Variants in WDR24 observed in about 807,000 individuals in gnomAD.
The protein encoded by WDR24 is GATOR2 complex protein WDR24.
In WDR24, 32 loss-of-function variants were observed where a neutral mutation model predicts 66.7. The ratio of observed to expected loss-of-function variants is 0.48; its 90% confidence interval spans 0.36 to 0.64. The LOEUF (loss-of-function observed/expected upper bound fraction) is 0.64, where lower values mean the gene tolerates loss of function less well. Ranked by LOEUF, WDR24 falls within the 30% of genes least tolerant of loss-of-function variation. The pLI, the probability that WDR24 is intolerant of heterozygous loss-of-function variation, is 0.00. For missense variants in WDR24, 978 were observed against 1,144.1 expected, an observed-to-expected ratio of 0.85 and a Z score of 2.09; for synonymous variants, 565 against 469.1, an observed-to-expected ratio of 1.20 and a Z score of -2.64.
intron 1 of WDR24, 190 bp from the exon 2 acceptor site, chr16:687,929 G>A: frequency 1.3e-6 from 1 of 747,554 alleles, no homozygotes; most frequent in Admixed American, 2.0e-5. Context: ...CTGGGCCCGG[G>A]AGCAGGACAC....
At position 687,356 on chromosome 16, in the gene WDR24, G is replaced by A. The variant is rs776830931; in HGVS notation, c.720C>T (p.His240=). The A allele has an allele frequency of 1.9e-6, 3 of 1,601,738 alleles. No homozygotes were observed. The highest frequency in any genetic ancestry group is 2.6e-6 in the Non-Finnish European group (3 of 1,172,950). Residue 240 remains histidine (H), a synonymous_variant, in exon 3 of 9, where the codon CAC becomes CAT. Transcript: ENST00000293883. ...KMVKVWDMTT[H]RAKEMHCVQT... is the part of the protein sequence containing the mutation. ...GCACACAGTGCATCTCCTTGGCACG[G>A]TGCGTGGTCATGTCCCAGACCTTCA... is the stretch of plus-strand genomic sequence containing the variant.
intron 1 of WDR24, 36 bp downstream of exon 1, chr16:689,124 A>T: frequency 6.2e-7 from 1 of 1,603,168 alleles, no homozygotes; most frequent in Non-Finnish European, 8.5e-7. Context: ...ACCGGCAGAG[A>T]CGCCCACCTG....
chr16:689,029 T>C (rs1055547847), intron 1 of WDR24, 131 bp downstream of exon 1: 62 of 1,437,328 alleles, frequency 4.3e-5, no homozygotes, highest in East Asian at 9.4e-5. Context: ...GCCGATTCCC[T>C]TTCCCCCTGA....
At chr16:688,350 C>T (rs1411856221) in intron 1 of WDR24, among the ~76,000 whole-genome samples, 4 of 152,156 alleles carry the variant, frequency 2.6e-5, no homozygotes, top group Admixed American at 2.0e-4. Context: ...GCAAGTGGCA[C>T]GATCTGGGCT....
rs1160477453 is a variant in WDR24 at position 685,299 on chromosome 16, G to A, written c.1977C>T (p.Val659=). The change falls in exon 7 of 9, where the codon GTC becomes GTT. Residue 659 remains valine (V), a synonymous_variant. Coordinates refer to ENST00000293883, the MANE Select transcript of WDR24 (RefSeq NM_032259.4). ...DVQMAVSVLI[V]LGERVRKDID... Reference sequence around the variant, plus strand: ...TGTCCTTGCGCACCCGTTCACCCAGGACGATGAGCACAGACACAGCCATCT... The same window carrying A: ...TGTCCTTGCGCACCCGTTCACCCAGAACGATGAGCACAGACACAGCCATCT... 5.6e-6 allele frequency: 9 copies of A among 1,599,764 alleles called. No homozygotes were observed. The highest frequency in any genetic ancestry group is 4.5e-5 in the East Asian group (2 of 44,598).
At chr16:688,003 C>A (rs1266512929) in intron 1 of WDR24, 1 of 627,262 alleles carries the variant, frequency 1.6e-6, no homozygotes, top group East Asian at 3.3e-5. Context: ...CTGCATCGGT[C>A]CATGAGCAAA....
At chr16:689,037 T>G in intron 1 of WDR24, 123 bp downstream of exon 1, 1 of 1,458,104 alleles carries the variant, frequency 6.9e-7, no homozygotes, top group Admixed American at 2.2e-5. Context: ...CCTTTCCCCC[T>G]GAGGAAGCCC....
At position 689,475 on chromosome 16, in the gene WDR24, C is replaced by T; in HGVS notation, c.166G>A (p.Glu56Lys). 1.9e-6 allele frequency: 3 copies of T among 1,613,558 alleles called. No individual in the cohort carries two copies. Among genetic ancestry groups the T allele is most frequent in the Non-Finnish European group, 2.5e-6 (3 of 1,180,046 alleles). Reference sequence around the variant, plus strand: ...TTCAGCTTTTCCACGAACTGTTCCTCCTCGATGGCATAGATCTTGAAGATG... The same window carrying T: ...TTCAGCTTTTCCACGAACTGTTCCTTCTCGATGGCATAGATCTTGAAGATG... ...RSIFKIYAIEEEQFVEKLNLR... is the reference protein window; with the variant it reads ...RSIFKIYAIEKEQFVEKLNLR... Residue 56 changes from glutamate (E) to lysine (K), a missense_variant, in exon 1 of 9, where the codon GAG (glutamate) becomes AAG (lysine). Coordinates refer to ENST00000293883, the MANE Select transcript of WDR24 (RefSeq NM_032259.4).
chr16:685,140 G>T lies in WDR24; in HGVS notation c.2056C>A (p.Arg686Ser). Residue 686 changes from arginine to serine, a missense_variant, in exon 8 of 9, where the codon CGC becomes AGC. This residue lies in a region of WDR24 where 676 missense variants were observed against 617.5 expected (regional missense o/e 1.09). Coordinates refer to ENST00000293883, the MANE Select transcript of WDR24 (RefSeq NM_032259.4). ...WYTSYIDLLQ[R>S]FRLWNVSNEV... ...TTGGACACGTTCCAGAGGCGGAAGC[G>T]CTGCAGCAGGTCGATGTAGGAAGTG... The T allele has an allele frequency of 6.4e-7, 1 of 1,565,634 alleles. No individual in the cohort carries two copies. Among genetic ancestry groups the T allele is most frequent in the Non-Finnish European group, 8.6e-7 (1 of 1,156,214 alleles).
rs764971275 is a variant in WDR24, at chr16:687,359, C to T, written c.717G>A (p.Thr239=). ...DKMVKVWDMT[T]HRAKEMHCVQ... The stretch of plus-strand genomic sequence containing the variant: ...CACAGTGCATCTCCTTGGCACGGTG[C>T]GTGGTCATGTCCCAGACCTTCACCA... The change falls in exon 3 of 9, where the codon ACG becomes ACA. Residue 239 remains threonine (T), a synonymous_variant. Coordinates refer to ENST00000293883, the MANE Select transcript of WDR24 (RefSeq NM_032259.4). 15 of 1,600,900 alleles carry T rather than the reference C, an allele frequency of 9.4e-6. No homozygotes were observed. Among genetic ancestry groups the T allele is most frequent in the Admixed American group, 5.0e-5 (3 of 59,706 alleles).
Position 685,905 on chromosome 16 carries a change from G to A in WDR24, c.1537C>T (p.Leu513=). 6.2e-7 allele frequency: 1 copy of A among 1,613,182 alleles called. No individual in the cohort carries two copies. The highest frequency in any genetic ancestry group is 8.5e-7 in the Non-Finnish European group (1 of 1,179,996). Residue 513 remains leucine (L), a synonymous_variant, in exon 5 of 9, where the codon CTG becomes TTG. Coordinates refer to ENST00000293883, the MANE Select transcript of WDR24 (RefSeq NM_032259.4). The part of the protein sequence containing the change: ...SKGDARSDTV[L]LDSSATLITN... Reference sequence around the variant, plus strand: ...ATGAGTGTGGCCGAGGAGTCGAGCAGAACTGTGTCGCTCCGTGCATCTCCT... The same window carrying A: ...ATGAGTGTGGCCGAGGAGTCGAGCAAAACTGTGTCGCTCCGTGCATCTCCT...
chr16:685,401 G>T lies in WDR24; in HGVS notation c.1875C>A (p.Asp625Glu). 1 of 1,612,628 alleles carries T rather than the reference G, an allele frequency of 6.2e-7. No homozygotes were observed. Among genetic ancestry groups the T allele is most frequent in the South Asian group, 1.1e-5 (1 of 91,082 alleles). The change falls in exon 7 of 9, where the codon GAC becomes GAA. Residue 625 changes from aspartate (D) to glutamate (E), a missense_variant. By Grantham distance (45) the Asp-to-Glu change is conservative (BLOSUM62 2). This residue lies in a region of WDR24 where 676 missense variants were observed against 617.5 expected (regional missense o/e 1.09). Coordinates refer to ENST00000293883, the MANE Select transcript of WDR24 (RefSeq NM_032259.4). ...SLLSVSHALY[D>E]SRLPPDFFGV... Reference sequence around the variant, plus strand: ...CGAAGAAGTCGGGCGGCAGGCGGCTGTCGTAGAGCGCGTGTGAGACAGACA... The same window carrying T: ...CGAAGAAGTCGGGCGGCAGGCGGCTTTCGTAGAGCGCGTGTGAGACAGACA...
rs749525038 is a variant in WDR24, at chr16:685,967, G to C, written c.1475C>G (p.Pro492Arg). The change falls in exon 5 of 9, where the codon CCA becomes CGA. Residue 492 changes from proline to arginine, a missense_variant. Physicochemically the swap from Pro to Arg is moderately radical, Grantham distance 103 (BLOSUM62 -2). This residue lies in a region of WDR24 where 676 missense variants were observed against 617.5 expected (regional missense o/e 1.09). Transcript: ENST00000293883. ...CAGCCGCGTCTCACTGCCCAACCCT[G>C]GGGCCATATCCTTCAGGTTGAAACT... ...MNSFNLKDMAPGLGSETRLDR... is the reference protein window; with the variant it reads ...MNSFNLKDMARGLGSETRLDR... 2 of 1,613,116 alleles carry C rather than the reference G, an allele frequency of 1.2e-6. No homozygotes were observed. Among genetic ancestry groups the C allele is most frequent in the East Asian group, 4.5e-5 (2 of 44,872 alleles).
At chr16:687,875 A>G in intron 1 of WDR24, 136 bp from the exon 2 acceptor site, 1 of 1,190,380 alleles carries the variant, frequency 8.4e-7, no homozygotes, top group Non-Finnish European at 1.2e-6. Flanking sequence ...GGACATCCCC[A>G]AGATCTGCCC....
intron 3 of WDR24, 112 bp from the exon 4 acceptor site, chr16:686,298 C>T: frequency 8.1e-7 from 1 of 1,241,304 alleles, no homozygotes. Context: ...CCTCAGTACC[C>T]AATGTCCAGG....
intron 7 of WDR24, 23 bp downstream of exon 7, chr16:685,234 G>T: frequency 1.3e-6 from 2 of 1,594,918 alleles, no homozygotes; most frequent in South Asian, 2.2e-5. Flanking sequence ...CGCTGCAGGG[G>T]GGAGGCCCCG....
chr16:689,845 T>C lies in WDR24; in HGVS notation c.-205A>G. 1.2e-6 allele frequency: 1 copy of C among 833,054 alleles called. No homozygotes were observed. The highest frequency in any genetic ancestry group is 2.0e-6 in the Non-Finnish European group (1 of 507,660). 51.6% of individuals were successfully genotyped at this position (833,054 alleles called of 1,614,324 possible). A position where few individuals can be genotyped will look rare whatever the true frequency, so the allele number is the denominator to read the frequency against. On this transcript the variant is annotated 5_prime_UTR_variant, in exon 1 of 9. Coordinates refer to ENST00000293883, the MANE Select transcript of WDR24 (RefSeq NM_032259.4). ...AGGCAAGCTCAAATTCACTGGAGTC[T>C]GTCAGTCCAGCCCATCACCCTGGCT...
intron 1 of WDR24, 126 bp from the exon 2 acceptor site, chr16:687,865 G>A (rs903746996): frequency 4.0e-5 from 51 of 1,283,870 alleles, no homozygotes; most frequent in Non-Finnish European, 5.1e-5. Context: ...AGGGTAGAGT[G>A]GACATCCCCA....
rs1175012977 is a variant in WDR24 at position 690,126 on chromosome 16, G to A, written c.-486C>T. The A allele has an allele frequency of 2.2e-6, 1 of 447,678 alleles. No individual in the cohort carries two copies. The highest frequency in any genetic ancestry group is 1.6e-5 in the South Asian group (1 of 63,718). 27.7% of individuals were successfully genotyped at this position (447,678 alleles called of 1,614,324 possible). A position where few individuals can be genotyped will look rare whatever the true frequency, so the allele number is the denominator to read the frequency against. On this transcript the variant is annotated 5_prime_UTR_variant, in exon 1 of 9. Coordinates refer to ENST00000293883, the MANE Select transcript of WDR24 (RefSeq NM_032259.4). ...AGAGGGGAGGGAACAGAGGGCTAGA[G>A]GGGCCCGGGGACTCAGGCGATAGAC...
Sources: allele counts gnomAD v4.1 joint callset (sites outside exome capture counted in the v4.1 genomes callset), GRCh38; gene constraint gnomAD v4.1.1; regional missense constraint gnomAD v4.1.1; transcripts MANE v1.5; gene names NCBI Gene and HGNC (gene_info 2026-07-23, HGNC 2026-07-21).